The following TTC28 variants were observed in gnomAD, a reference collection of about 807,000 sequenced individuals.
TTC28 encodes tetratricopeptide repeat domain 28.
A neutral mutation model predicts 198.0 loss-of-function variants in TTC28; 61 were observed. The observed-to-expected ratio is 0.31, with a 90% CI of 0.25 to 0.38. TTC28 has a LOEUF of 0.38. Ranked by LOEUF, TTC28 falls within the 10% of genes least tolerant of loss-of-function variation. The pLI is 1.00. For synonymous variants in TTC28, 1,171 were observed against 1,297.8 expected, an observed-to-expected ratio of 0.90 and a Z score of 2.10; for missense variants, 2,678 against 3,164.0, an observed-to-expected ratio of 0.85 and a Z score of 3.69.
chr22:28,032,004 C>T (rs554728524), intron 12 of TTC28, among the ~76,000 whole-genome samples: 10 of 151,682 alleles, frequency 6.6e-5, no homozygotes, highest in African/African-American at 2.4e-4. Context: ...CTGAAACTTA[C>T]CCTACTGGCT....
chr22:28,627,956 A>T (rs1202655027), intron 2 of TTC28, among the ~76,000 whole-genome samples: 1 of 152,126 alleles, frequency 6.6e-6, no homozygotes, highest in Non-Finnish European at 1.5e-5. Flanking sequence ...CCCAGGCCAG[A>T]GTGCAGTGAT....
rs1005861081 is a variant in TTC28, at chr22:27,999,063, C to T, written c.4596G>A (p.Arg1532=). ...CAGCCTGGGTCAGGGCACTCATGACCCTCTCCTTGGTGGCCACACTGCCCA... is the reference window on the plus strand; with the variant it reads ...CAGCCTGGGTCAGGGCACTCATGACTCTCTCCTTGGTGGCCACACTGCCCA... ...PLVGSVATKE[R]VMSALTQAEC... is the part of the protein sequence containing the mutation. The change falls in exon 16 of 23, where the codon AGG becomes AGA. Residue 1532 remains arginine (R), a synonymous_variant. Coordinates refer to ENST00000397906, the MANE Select transcript of TTC28 (RefSeq NM_001145418.2). The T allele has an allele frequency of 8.4e-6, 13 of 1,550,296 alleles. No individual in the cohort carries two copies. In the Admixed American group the frequency reaches 1.2e-4, roughly 14 times the overall value.
intron 12 of TTC28, among the ~76,000 whole-genome samples, chr22:28,074,656 G>A (rs1299290688): frequency 6.6e-6 from 1 of 152,190 alleles, no homozygotes; most frequent in Non-Finnish European, 1.5e-5. Flanking sequence ...AAGCCCTCAC[G>A]CTTGCCCAGT....
chr22:27,984,819 A>G (rs1015441711), intron 22 of TTC28, among the ~76,000 whole-genome samples: 5 of 152,186 alleles, frequency 3.3e-5, no homozygotes, highest in African/African-American at 1.2e-4. Context: ...CCACCTTCCA[A>G]GCCAGCATTT....
At chr22:28,452,172 A>G (rs940969177) in intron 2 of TTC28, among the ~76,000 whole-genome samples, 5 of 151,968 alleles carry the variant, frequency 3.3e-5, no homozygotes, top group Non-Finnish European at 5.9e-5. Flanking sequence ...GGCGGATCAC[A>G]AGGTCAGGAG....
intron 2 of TTC28, among the ~76,000 whole-genome samples, chr22:28,476,375 A>C (rs1395927501): frequency 1.3e-5 from 2 of 152,186 alleles, no homozygotes; most frequent in Non-Finnish European, 2.9e-5. Flanking sequence ...TCAATGGACA[A>C]CTGGGTATTT....
At chr22:28,423,862 G>T (rs1180840849) in intron 2 of TTC28, among the ~76,000 whole-genome samples, 1 of 152,206 alleles carries the variant, frequency 6.6e-6, no homozygotes, top group Non-Finnish European at 1.5e-5. Context: ...AACTTACAGT[G>T]TATGCTTCAG....
Position 27,990,786 on chromosome 22 carries a change from C to T in TTC28, c.5577+3G>A. The T allele has an allele frequency of 1.3e-6, 2 of 1,550,388 alleles. No individual in the cohort carries two copies. Among genetic ancestry groups the T allele is most frequent in the Non-Finnish European group, 1.7e-6 (2 of 1,146,856 alleles). On this transcript the variant is annotated splice_donor_region_variant and intron_variant, in intron 20 of 22. Coordinates refer to ENST00000397906, the MANE Select transcript of TTC28 (RefSeq NM_001145418.2). ...AACAGTTGCTACTTAAAGTAGTACT[C>T]ACCATTCCAACCATATTTTTAACAG...
intron 2 of TTC28, among the ~76,000 whole-genome samples, chr22:28,415,173 T>C (rs1003953360): frequency 6.6e-6 from 1 of 152,136 alleles, no homozygotes; most frequent in African/African-American, 2.4e-5. Flanking sequence ...CTGCTGTATG[T>C]GCCAAGGTTG....
chr22:28,042,098 G>T (rs1182371765), intron 12 of TTC28, among the ~76,000 whole-genome samples: 1 of 152,186 alleles, frequency 6.6e-6, no homozygotes, highest in African/African-American at 2.4e-5. Flanking sequence ...TGGAGGGGAT[G>T]TGGAGAAATA....
chr22:28,435,615 C>A lies in TTC28; in HGVS notation c.382-128972G>T, dbSNP rs761214245. Among the ~76,000 whole-genome samples the A allele has an allele frequency of 2.6e-5, 4 of 152,170 alleles. No homozygotes were observed. The East Asian group carries it at 7.7e-4, about 29-fold the overall frequency. The stretch of plus-strand genomic sequence containing the variant: ...CTAGCAAAATGAAGGTGGCTGCTGG[C>A]GCCCTTTCTTGAAGTTGGGCCAATT... On this transcript the variant is annotated intron_variant, in intron 2 of 22. Coordinates refer to ENST00000397906, the MANE Select transcript of TTC28 (RefSeq NM_001145418.2).
intron 12 of TTC28, among the ~76,000 whole-genome samples, chr22:28,040,166 G>A (rs115584155): frequency 0.069 from 10,493 of 152,194 alleles, 424 homozygotes; most frequent in South Asian, 0.091. Context: ...GTACAAAGAG[G>A]AGCTGGTACC....
Position 27,999,199 on chromosome 22 carries a change from C to G in TTC28, c.4460G>C (p.Gly1487Ala). ...CACGGCCGATGGTAGCTTGGGGTTGCCGATGACAGCCGCCATGGATGTGGA... is the reference window on the plus strand; with the variant it reads ...CACGGCCGATGGTAGCTTGGGGTTGGCGATGACAGCCGCCATGGATGTGGA... ...SSSTSMAAVI[G>A]NPKLPSAVMD... Residue 1487 changes from glycine to alanine, a missense_variant, in exon 16 of 23, where the codon GGC becomes GCC. By Grantham distance (60) the Gly-to-Ala change is moderately conservative (BLOSUM62 0). Around this residue, in one of 8 missense-constraint regions of TTC28, gnomAD observed 727 missense variants for 861.9 expected, o/e 0.84. Transcript: ENST00000397906. The G allele has an allele frequency of 6.4e-7, 1 of 1,550,918 alleles. No individual in the cohort carries two copies. The highest frequency in any genetic ancestry group is 8.7e-7 in the Non-Finnish European group (1 of 1,146,982).
intron 2 of TTC28, among the ~76,000 whole-genome samples, chr22:28,620,851 T>C (rs1255763870): frequency 6.6e-6 from 1 of 152,172 alleles, no homozygotes; most frequent in Non-Finnish European, 1.5e-5. Flanking sequence ...TCCTCCACCA[T>C]GACAATGTTC....
At chr22:28,254,131 T>C (rs935315761) in intron 5 of TTC28, among the ~76,000 whole-genome samples, 1 of 149,796 alleles carries the variant, frequency 6.7e-6, no homozygotes, top group Non-Finnish European at 1.5e-5. Flanking sequence ...AAAAAAAGAA[T>C]CTGAGTTTTG....
At chr22:28,569,195 T>TAAATAAAA (rs1344522966) in intron 2 of TTC28, among the ~76,000 whole-genome samples, 25 of 138,168 alleles carry the variant, frequency 1.8e-4, no homozygotes, top group South Asian at 6.7e-4. Flanking sequence ...AATAAATAAA[T>TAAATAAAA]AAAATTCACA....
intron 9 of TTC28, among the ~76,000 whole-genome samples, chr22:28,100,529 G>A (rs1490102392): frequency 6.6e-6 from 1 of 152,158 alleles, no homozygotes; most frequent in Non-Finnish European, 1.5e-5. Context: ...GAACGCTATG[G>A]TGCAAATTCA....
intron 6 of TTC28, among the ~76,000 whole-genome samples, chr22:28,129,666 T>C (rs1943008965): frequency 6.6e-6 from 1 of 152,190 alleles, no homozygotes; most frequent in Non-Finnish European, 1.5e-5. Flanking sequence ...TAAAGAGCAG[T>C]AGTTGCTACC....
chr22:28,388,532 T>C (rs1467759339), intron 2 of TTC28, among the ~76,000 whole-genome samples: 1 of 152,194 alleles, frequency 6.6e-6, no homozygotes, highest in Non-Finnish European at 1.5e-5. Context: ...GAGCAGTGGT[T>C]TGTAGTTCTC....
Sources: allele counts gnomAD v4.1 joint callset (sites outside exome capture counted in the v4.1 genomes callset), GRCh38; gene constraint gnomAD v4.1.1; regional missense constraint gnomAD v4.1.1; transcripts MANE v1.5; gene names NCBI Gene and HGNC (gene_info 2026-07-23, HGNC 2026-07-21).